TRMT44: variants seen among roughly 807,000 people sequenced by gnomAD.
TRMT44 encodes tRNA methyltransferase 44 homolog, also known as probable tRNA (uracil-O(2)-)-methyltransferase.
TRMT44 carries 78 observed loss-of-function variants against 77.3 expected under a neutral mutation model. The observed-to-expected ratio is 1.01, with a 90% CI of 0.84 to 1.22. The LOEUF (loss-of-function observed/expected upper bound fraction) is 1.22, where lower values mean the gene tolerates loss of function less well. Among genes scored for constraint, TRMT44 ranks in the 50% most tolerant of loss-of-function variants. The probability of loss-of-function intolerance (pLI) is 0.00; values close to 1 mark genes in which losing one functional copy is unlikely to be tolerated. For missense variants in TRMT44, 1,090 were observed against 964.4 expected, an observed-to-expected ratio of 1.13 and a Z score of -1.73; for synonymous variants, 391 against 383.3, an observed-to-expected ratio of 1.02 and a Z score of -0.23.
chr4:8,465,180 T>C (rs1407631722), intron 7 of TRMT44, among the ~76,000 whole-genome samples, 198 bp from the exon 8 acceptor site: 3 of 152,176 alleles, frequency 2.0e-5, no homozygotes, highest in Non-Finnish European at 4.4e-5. Context: ...AGTACACCCA[T>C]GCCACAAACC....
At chr4:8,449,918 C>A (rs921835052) in intron 3 of TRMT44, 30 bp downstream of exon 3, 3 of 886,558 alleles carry the variant, frequency 3.4e-6, no homozygotes, top group African/African-American at 2.1e-5. Context: ...TCTGATTTTT[C>A]CCCCTTCATG....
chr4:8,498,750 T>C, the TRMT44 span, among the ~76,000 whole-genome samples: 1 of 152,114 alleles, frequency 6.6e-6, no homozygotes, highest in Non-Finnish European at 1.5e-5. This position sits in a 1 kb window ranked among gnomAD's most constrained non-coding sequence, Gnocchi z 4.3. Context: ...TGGCTGATGG[T>C]CTGTGAGTAG....
chr4:8,499,125 G>C, the TRMT44 span, among the ~76,000 whole-genome samples: 1 of 152,158 alleles, frequency 6.6e-6, no homozygotes, highest in East Asian at 1.9e-4. Flanking sequence ...AGGAGCTTCA[G>C]AGTGTGGCCA....
intron 2 of TRMT44, among the ~76,000 whole-genome samples, chr4:8,447,550 G>A (rs1439067327): frequency 6.6e-6 from 1 of 152,126 alleles, no homozygotes; most frequent in Non-Finnish European, 1.5e-5. Flanking sequence ...GTGTGGTCTT[G>A]GGGATGTGCT....
At chr4:8,464,137 A>C in intron 7 of TRMT44, 46 bp downstream of exon 7, 3 of 1,537,018 alleles carry the variant, frequency 2.0e-6, no homozygotes, top group African/African-American at 1.4e-5. Context: ...GGAATGCTTC[A>C]TCTTCTAAAC....
Position 8,452,123 on chromosome 4 carries a change from C to G in TRMT44, c.1023+95C>G. On this transcript the variant is annotated intron_variant, in intron 4 of 10. Coordinates refer to ENST00000389737, the MANE Select transcript of TRMT44 (RefSeq NM_152544.3). The surrounding 1 kb of genome is among the most constrained non-coding windows in gnomAD (Gnocchi z 5.7). ...TGAAGGACATTTTCCAAATCCATAA[C>G]TGCCGGTGCTCACAATTCTGCTGGC... is the stretch of plus-strand genomic sequence containing the variant. The G allele has an allele frequency of 8.9e-7, 1 of 1,125,860 alleles. No individual in the cohort carries two copies. Among genetic ancestry groups the G allele is most frequent in the Non-Finnish European group, 1.3e-6 (1 of 776,710 alleles). 69.7% of individuals were successfully genotyped at this position (1,125,860 alleles called of 1,614,324 possible).
chr4:8,449,833 T>A lies in TRMT44; in HGVS notation c.899T>A (p.Met300Lys). The A allele has an allele frequency of 6.5e-7, 1 of 1,535,876 alleles. No individual in the cohort carries two copies. The highest frequency in any genetic ancestry group is 8.7e-7 in the Non-Finnish European group (1 of 1,146,838). ...FKSTLSLISI[M>K]KYSKAYQELK... Reference sequence around the variant, plus strand: ...AGCACCCTTTCCCTCATCTCCATTATGAAGTATAGCAAGGCTTACCAGGAA... The same window carrying A: ...AGCACCCTTTCCCTCATCTCCATTAAGAAGTATAGCAAGGCTTACCAGGAA... The change falls in exon 3 of 11, where the codon ATG becomes AAG. Residue 300 changes from methionine to lysine, a missense_variant. Met to Lys is a moderately conservative substitution (Grantham distance 95). Transcript: ENST00000389737.
At position 8,441,356 on chromosome 4, in the gene TRMT44, G is replaced by A; in HGVS notation, c.534G>A (p.Glu178=). ...GATCGCAGCCAGAGGCGCAGCGTGAGCTCGACGTGGTTCTCAGAACCGTCA... is the reference window on the plus strand; with the variant it reads ...GATCGCAGCCAGAGGCGCAGCGTGAACTCGACGTGGTTCTCAGAACCGTCA... ...GAGSQPEAQR[E]LDVVLRTVIP... is the part of the protein sequence containing the mutation. Residue 178 remains glutamate (E), a synonymous_variant, in exon 1 of 11, where the codon GAG becomes GAA. Coordinates refer to ENST00000389737, the MANE Select transcript of TRMT44 (RefSeq NM_152544.3). 2 of 1,534,990 alleles carry A rather than the reference G, an allele frequency of 1.3e-6. No individual in the cohort carries two copies. Among genetic ancestry groups the A allele is most frequent in the East Asian group, 2.4e-5 (1 of 40,898 alleles).
At chr4:8,455,036 A>G in intron 6 of TRMT44, 1 of 572,906 alleles carries the variant, frequency 1.7e-6, no homozygotes, top group Non-Finnish European at 3.1e-6. Flanking sequence ...ACCTCCAGGC[A>G]GAAGTGCTGT....
Position 8,464,058 on chromosome 4 carries a change from A to T in TRMT44, c.1277A>T (p.Glu426Val). ...TGGTTAATCGGTAACCATTCTGATG[A>T]ACTCACACCATGGATACCTGTCATT... ...VDWLIGNHSD[E>V]LTPWIPVIAA... Residue 426 changes from glutamate to valine, a missense_variant, in exon 7 of 11, where the codon GAA becomes GTA. Glu to Val is a moderately radical substitution (Grantham distance 121, BLOSUM62 -2). Coordinates refer to ENST00000389737, the MANE Select transcript of TRMT44 (RefSeq NM_152544.3). 6.2e-7 allele frequency: 1 copy of T among 1,614,124 alleles called. No individual in the cohort carries two copies. The highest frequency in any genetic ancestry group is 8.5e-7 in the Non-Finnish European group (1 of 1,180,006).
Position 8,451,935 on chromosome 4 carries a change from ATGTTTGC to A in TRMT44, c.955-23_955-17del, listed in dbSNP as rs1445953534. Reference sequence around the variant, plus strand: ...TGGTGGTGGGGAAACCGAACAATTTATGTTTGCTCTTGAAACTGTTTTAGGTGTGGCC... The same window carrying A: ...TGGTGGTGGGGAAACCGAACAATTTATCTTGAAACTGTTTTAGGTGTGGCC... On this transcript the variant is annotated intron_variant, in intron 3 of 10. Coordinates refer to ENST00000389737, the MANE Select transcript of TRMT44 (RefSeq NM_152544.3). This position sits in a 1 kb window ranked among gnomAD's most constrained non-coding sequence, Gnocchi z 4.1. 6.5e-7 allele frequency: 1 copy of A among 1,535,304 alleles called. No homozygotes were observed. Among genetic ancestry groups the A allele is most frequent in the South Asian group, 1.2e-5 (1 of 84,038 alleles).
chr4:8,492,478 T>A (rs1003259648), intron 2 of TRMT44, among the ~76,000 whole-genome samples: 3 of 152,148 alleles, frequency 2.0e-5, no homozygotes, highest in Non-Finnish European at 4.4e-5. Flanking sequence ...TCCTTGTTCA[T>A]CCCCGGGCGT....
At chr4:8,489,154 C>A (rs1373637209) in intron 2 of TRMT44, among the ~76,000 whole-genome samples, 3 of 152,222 alleles carry the variant, frequency 2.0e-5, no homozygotes, top group Non-Finnish European at 2.9e-5. Flanking sequence ...CCTGCAGTGC[C>A]CTGGCCCCAT....
chr4:8,457,510 CTT>C (rs1725879111), intron 6 of TRMT44, among the ~76,000 whole-genome samples: 1 of 152,204 alleles, frequency 6.6e-6, no homozygotes, highest in East Asian at 1.9e-4. Context: ...CACAGCTTCT[CTT>C]TTCAGCCTCT....
At chr4:8,500,688 A>G in the TRMT44 span, among the ~76,000 whole-genome samples, 264 of 143,982 alleles carry the variant, frequency 1.8e-3, 1 homozygote, top group African/African-American at 6.6e-3. Flanking sequence ...GCAGAGTCTC[A>G]CTCTGTTGCC....
At chr4:8,499,798 A>T in the TRMT44 span, among the ~76,000 whole-genome samples, 2 of 152,178 alleles carry the variant, frequency 1.3e-5, no homozygotes, top group Admixed American at 1.3e-4. Context: ...TCAGAAGAAA[A>T]CACAAAACTG....
intron 6 of TRMT44, among the ~76,000 whole-genome samples, chr4:8,457,128 T>C (rs1023901823): frequency 6.6e-6 from 1 of 151,606 alleles, no homozygotes; most frequent in Non-Finnish European, 1.5e-5. Flanking sequence ...AAGTACCCTA[T>C]TCTGGAAAAA....
chr4:8,481,170 A>G (rs1291196269), downstream of TRMT44, among the ~76,000 whole-genome samples: 1 of 152,232 alleles, frequency 6.6e-6, no homozygotes, highest in African/African-American at 2.4e-5. Context: ...TATCAATCCC[A>G]GGTCTTCAGA....
At chr4:8,477,016 C>T (rs1159789366), downstream of TRMT44, 1 of 152,294 alleles carries the variant, frequency 6.6e-6, no homozygotes, top group Non-Finnish European at 1.5e-5. Flanking sequence ...GCTGGCATGA[C>T]AGCTGCGAGC....
Sources: gnomAD v4.1 joint callset for allele counts (sites outside exome capture counted in the v4.1 genomes callset) on GRCh38, gnomAD v4.1.1 for gene constraint, Gnocchi (gnomAD v3.1) non-coding constraint, MANE v1.5 for transcripts, NCBI Gene and HGNC (gene_info 2026-07-23, HGNC 2026-07-21) for gene names.